Variants in ATAD3A observed in about 807,000 individuals in gnomAD.
ATAD3A encodes the protein ATPase family AAA domain-containing protein 3A.
ATAD3A carries 46 observed loss-of-function variants against 73.8 expected under a neutral mutation model. That is an observed-to-expected ratio of 0.62 (90% CI 0.49 to 0.80). The LOEUF (loss-of-function observed/expected upper bound fraction) is 0.80, where lower values mean the gene tolerates loss of function less well. Ranked by LOEUF, ATAD3A falls within the 30% of genes least tolerant of loss-of-function variation. The probability of loss-of-function intolerance (pLI) is 0.00; values close to 1 mark genes in which losing one functional copy is unlikely to be tolerated. For missense variants in ATAD3A, 705 were observed against 838.0 expected, an observed-to-expected ratio of 0.84 and a Z score of 1.96; for synonymous variants, 319 against 350.0, an observed-to-expected ratio of 0.91 and a Z score of 0.99.
intron 15 of ATAD3A, among the ~76,000 whole-genome samples, chr1:1,533,312 G>A (rs1464665841): frequency 1.3e-5 from 2 of 152,214 alleles, no homozygotes; most frequent in Non-Finnish European, 2.9e-5. Context: ...CACGCCCTTC[G>A]CTGGCATTGG....
chr1:1,525,465 A>G, intron 12 of ATAD3A, among the ~76,000 whole-genome samples, 174 bp downstream of exon 12: 1 of 139,978 alleles, frequency 7.1e-6, no homozygotes, highest in African/African-American at 2.7e-5. Flanking sequence ...CCCAGGCTGG[A>G]GTGCAATGGC....
In ATAD3A at chr1:1,525,446, G is replaced by A. The variant is rs1055650861; in HGVS notation, c.1266+155G>A. Among the ~76,000 whole-genome samples the A allele has an allele frequency of 1.4e-4, 20 of 138,154 alleles. No individual in the cohort carries two copies. In the South Asian group the frequency reaches 2.2e-3, roughly 15 times the overall value. The allele number at this position is 138,154 out of a possible 152,430, so 90.6% of individuals were successfully genotyped here. On this transcript the variant is annotated intron_variant, in intron 12 of 15. Transcript: ENST00000378756. ...TTTTTTTTTTTTGAGAAGAAATCTC[G>A]CTCTATCACCCAGGCTGGAGTGCAA... is the stretch of plus-strand genomic sequence containing the variant.
intron 13 of ATAD3A, among the ~76,000 whole-genome samples, chr1:1,526,740 A>G (rs1641861143): frequency 1.3e-5 from 2 of 152,218 alleles, no homozygotes; most frequent in African/African-American, 2.4e-5. Context: ...TCCCGGGCAG[A>G]GCTGGGGTCA....
intron 12 of ATAD3A, among the ~76,000 whole-genome samples, chr1:1,525,829 C>A (rs1641815521): frequency 6.6e-6 from 1 of 152,158 alleles, no homozygotes; most frequent in African/African-American, 2.4e-5. Flanking sequence ...CCTCAGCCGC[C>A]TGAGTAGCTG....
chr1:1,526,308 C>T (rs1320677170), intron 12 of ATAD3A, among the ~76,000 whole-genome samples, 153 bp from the exon 13 acceptor site: 4 of 152,094 alleles, frequency 2.6e-5, no homozygotes, highest in African/African-American at 7.2e-5. Context: ...CGTGAGCCAC[C>T]GCCCCTGGCC....
intron 15 of ATAD3A, among the ~76,000 whole-genome samples, chr1:1,533,699 T>C (rs1642113639): frequency 6.6e-6 from 1 of 151,828 alleles, no homozygotes; most frequent in Admixed American, 6.5e-5. Flanking sequence ...AGAAAGTCAT[T>C]GAGCAACAGC....
chr1:1,525,007 G>A (rs1211641288), intron 11 of ATAD3A, among the ~76,000 whole-genome samples: 9 of 152,174 alleles, frequency 5.9e-5, no homozygotes, highest in Non-Finnish European at 1.0e-4. Context: ...GGCGGAGTTC[G>A]TCGCCCCCGT....
chr1:1,527,837 C>T lies in ATAD3A; in HGVS notation c.1480C>T (p.Leu494Phe). The change falls in exon 14 of 16, where the codon CTT becomes TTT. Residue 494 changes from leucine (L) to phenylalanine (F), a missense_variant. Coordinates refer to ENST00000378756, the MANE Select transcript of ATAD3A (RefSeq NM_001170535.3). ...LVRMYFDKYV[L>F]KPATEGKQRL... is the part of the protein sequence containing the mutation. ...GAGAATGTATTTTGACAAGTATGTT[C>T]TTAAGCCGGCCACAGAAGGAAAGCA... The T allele has an allele frequency of 6.2e-7, 1 of 1,613,712 alleles. No homozygotes were observed. The highest frequency in any genetic ancestry group is 1.3e-5 in the African/African-American group (1 of 75,054).
intron 1 of ATAD3A, among the ~76,000 whole-genome samples, chr1:1,513,214 G>A (rs1263955879): frequency 6.6e-6 from 1 of 152,186 alleles, no homozygotes; most frequent in African/African-American, 2.4e-5. Flanking sequence ...GGGCACCTCG[G>A]AGGACAGCGG....
chr1:1,521,566 G>A (rs763557704), intron 7 of ATAD3A, among the ~76,000 whole-genome samples: 3 of 152,196 alleles, frequency 2.0e-5, no homozygotes, highest in Non-Finnish European at 4.4e-5. Flanking sequence ...TGGTGCCGGC[G>A]CCCAGAGCTG....
Position 1,522,935 on chromosome 1 carries a change from T to G in ATAD3A, c.906+36T>G, listed in dbSNP as rs763749446. ...AGGCCTGGCCCTCCCTGAGTGCAGT[T>G]CCTGGCTGAGTCCCTTCTGCCCCAC... On this transcript the variant is annotated intron_variant, in intron 8 of 15. Coordinates refer to ENST00000378756, the MANE Select transcript of ATAD3A (RefSeq NM_001170535.3). 3.4e-4 allele frequency: 550 copies of G among 1,595,488 alleles called. 2 individuals carry two copies. The highest frequency in any genetic ancestry group is 2.8e-3 in the South Asian group (245 of 88,436).
rs1641700210 is a variant in ATAD3A at position 1,523,869 on chromosome 1, G to A, written c.994G>A (p.Ala332Thr). 3.1e-6 allele frequency: 5 copies of A among 1,613,986 alleles called. No individual in the cohort carries two copies. Among genetic ancestry groups the A allele is most frequent in the Non-Finnish European group, 4.2e-6 (5 of 1,180,006 alleles). Residue 332 changes from alanine to threonine, a missense_variant, in exon 10 of 16, where the codon GCC becomes ACC. This residue lies in a region of ATAD3A where 315 missense variants were observed against 334.1 expected (regional missense o/e 0.94). Coordinates refer to ENST00000378756, the MANE Select transcript of ATAD3A (RefSeq NM_001170535.3). The surrounding 1 kb of genome is among the most constrained non-coding windows in gnomAD (Gnocchi z 5.1). ...PSLEARVRDI[A>T]IATRNTKKNR... is the part of the protein sequence containing the mutation. ...CCTGGAAGCACGGGTGCGCGACATC[G>A]CCATAGCAACAAGGAACACCAAGAA...
chr1:1,516,213 C>T, intron 2 of ATAD3A, 125 bp downstream of exon 2: 8 of 1,424,376 alleles, frequency 5.6e-6, no homozygotes, highest in Non-Finnish European at 3.9e-6. Flanking sequence ...GGGCCCAGGG[C>T]CAAGCTTGGG....
chr1:1,514,040 TGGA>T (rs1641279944), intron 1 of ATAD3A, among the ~76,000 whole-genome samples: 2 of 152,078 alleles, frequency 1.3e-5, no homozygotes, highest in African/African-American at 4.8e-5. Context: ...AGGGGGTGCC[TGGA>T]GGAGAGCCTC....
intron 15 of ATAD3A, among the ~76,000 whole-genome samples, chr1:1,529,677 TAGGAC>T (rs1469674219): frequency 6.6e-6 from 1 of 152,232 alleles, no homozygotes; most frequent in Non-Finnish European, 1.5e-5. Context: ...AAATGGTCGT[TAGGAC>T]AGGCCCCATG....
chr1:1,518,293 CACA>C (rs1375092516), intron 4 of ATAD3A, among the ~76,000 whole-genome samples: 1 of 114,840 alleles, frequency 8.7e-6, no homozygotes, highest in African/African-American at 3.4e-5. Flanking sequence ...CGTACCCCCC[CACA>C]CACACACAGG....
intron 4 of ATAD3A, 64 bp from the exon 5 acceptor site, chr1:1,518,857 C>A: frequency 1.2e-6 from 2 of 1,613,544 alleles, no homozygotes; most frequent in South Asian, 1.1e-5. Context: ...CAGTCATCCC[C>A]CGCACACATG....
chr1:1,531,777 CAAAAATAA>C (rs1264489295), intron 15 of ATAD3A, among the ~76,000 whole-genome samples: 2 of 151,166 alleles, frequency 1.3e-5, no homozygotes, highest in African/African-American at 2.4e-5. Context: ...GACTCTGTCT[CAAAAATAA>C]AAAAATAAAA....
At chr1:1,526,337 G>T (rs1235220231) in intron 12 of ATAD3A, 124 bp from the exon 13 acceptor site, 2 of 1,554,096 alleles carry the variant, frequency 1.3e-6, no homozygotes, top group East Asian at 2.3e-5. Context: ...GCTTTTGAGA[G>T]TAGATCCATG....
Sources: allele counts gnomAD v4.1 joint callset (sites outside exome capture counted in the v4.1 genomes callset), GRCh38; gene constraint gnomAD v4.1.1; regional missense constraint gnomAD v4.1.1; non-coding constraint Gnocchi (gnomAD v3.1); transcripts MANE v1.5; gene names NCBI Gene and HGNC (gene_info 2026-07-23, HGNC 2026-07-21).